The following PKHD1 variants were observed in gnomAD, a reference collection of about 807,000 sequenced individuals.
PKHD1 encodes PKHD1 ciliary IPT domain containing fibrocystin/polyductin, also known as fibrocystin.
A neutral mutation model predicts 412.0 loss-of-function variants in PKHD1; 291 were observed. The observed-to-expected ratio is 0.71, with a 90% CI of 0.64 to 0.78. The LOEUF (loss-of-function observed/expected upper bound fraction) is 0.78. Ranked by LOEUF, PKHD1 falls within the 30% of genes least tolerant of loss-of-function variation. PKHD1 has a pLI of 0.00. For missense variants in PKHD1, 4,825 were observed against 4,950.7 expected, an observed-to-expected ratio of 0.97 and a Z score of 0.76; for synonymous variants, 1,777 against 1,821.5, an observed-to-expected ratio of 0.98 and a Z score of 0.62.
chr6:52,053,380 G>T, intron 20 of PKHD1, 129 bp from the exon 21 acceptor site: 1 of 893,188 alleles, frequency 1.1e-6, no homozygotes, highest in Non-Finnish European at 1.8e-6. Flanking sequence ...ATGAACCCCT[G>T]CACCCAAGCA....
intron 36 of PKHD1, among the ~76,000 whole-genome samples, chr6:51,938,770 G>A (rs925442415): frequency 1.8e-4 from 28 of 151,590 alleles, no homozygotes; most frequent in African/African-American, 6.8e-4. Flanking sequence ...CCGTGAGAAA[G>A]ATCCACCTAT....
At chr6:51,660,474 G>A (rs1438385600) in intron 60 of PKHD1, among the ~76,000 whole-genome samples, 20 of 152,032 alleles carry the variant, frequency 1.3e-4, no homozygotes, top group Admixed American at 1.3e-3. Context: ...GACTCCACAA[G>A]GTAAGGGCTC....
intron 37 of PKHD1, among the ~76,000 whole-genome samples, chr6:51,933,227 A>G (rs929974351): frequency 1.4e-4 from 22 of 152,022 alleles, no homozygotes; most frequent in African/African-American, 2.4e-5. Context: ...CTCAAGAGGG[A>G]AAAAAAATGT....
intron 60 of PKHD1, among the ~76,000 whole-genome samples, chr6:51,731,771 C>T (rs1018207927): frequency 6.6e-6 from 1 of 152,106 alleles, no homozygotes; most frequent in African/African-American, 2.4e-5. Flanking sequence ...ATGATGAATG[C>T]AGCTACATGT....
chr6:51,981,604 C>A (rs996557760), intron 35 of PKHD1, among the ~76,000 whole-genome samples: 1 of 111,678 alleles, frequency 9.0e-6, no homozygotes, highest in African/African-American at 2.5e-5. Flanking sequence ...CGGACGGAGT[C>A]TCGTTCACTC....
intron 14 of PKHD1, among the ~76,000 whole-genome samples, chr6:52,061,776 T>C (rs1382811387): frequency 6.6e-6 from 1 of 152,106 alleles, no homozygotes; most frequent in East Asian, 1.9e-4. Context: ...AGTCATCCTC[T>C]CTAAGAAGGA....
At chr6:51,756,020 A>G (rs1187993936) in intron 55 of PKHD1, among the ~76,000 whole-genome samples, 1 of 152,198 alleles carries the variant, frequency 6.6e-6, no homozygotes, top group Non-Finnish European at 1.5e-5. Context: ...TTTAATATAT[A>G]GTATTAAGCC....
chr6:51,937,010 C>A (rs1257349342), intron 36 of PKHD1, among the ~76,000 whole-genome samples: 2 of 152,186 alleles, frequency 1.3e-5, no homozygotes, highest in African/African-American at 4.8e-5. Flanking sequence ...GAGTCTGGAA[C>A]CTTTTTAGAT....
chr6:51,934,852 G>C (rs184733964), intron 36 of PKHD1, among the ~76,000 whole-genome samples: 30 of 152,278 alleles, frequency 2.0e-4, no homozygotes, highest in Admixed American at 1.5e-3. Context: ...CCATTGACTA[G>C]AGCTGAGTGG....
chr6:51,735,212 G>A (rs991056833), intron 60 of PKHD1, among the ~76,000 whole-genome samples: 1 of 152,156 alleles, frequency 6.6e-6, no homozygotes, highest in Admixed American at 6.5e-5. Flanking sequence ...TCCAGAAGTG[G>A]TTATGAACTC....
intron 60 of PKHD1, among the ~76,000 whole-genome samples, chr6:51,710,585 T>C (rs1453513191): frequency 7.2e-5 from 11 of 152,196 alleles, no homozygotes; most frequent in Non-Finnish European, 1.3e-4. Context: ...CTTCTCTAAA[T>C]AGTGTTTTGC....
intron 35 of PKHD1, among the ~76,000 whole-genome samples, chr6:52,008,272 C>T (rs1799346270): frequency 6.6e-6 from 1 of 152,176 alleles, no homozygotes; most frequent in Non-Finnish European, 1.5e-5. Context: ...TCTCAGTTAA[C>T]TCATCTCTGA....
intron 60 of PKHD1, among the ~76,000 whole-genome samples, chr6:51,662,502 T>A (rs557804878): frequency 6.6e-6 from 1 of 151,650 alleles, no homozygotes; most frequent in South Asian, 2.1e-4. Context: ...TGGAAAAAAA[T>A]AACAGAACTG....
intron 36 of PKHD1, among the ~76,000 whole-genome samples, chr6:51,941,836 C>T (rs2499465): frequency 0.32 from 48,191 of 149,708 alleles, 8,545 homozygotes; most frequent in African/African-American, 0.42. Flanking sequence ...ACCCTGACAC[C>T]CATCAGGCTC....
At position 52,024,617 on chromosome 6, in the gene PKHD1, C is replaced by T. The variant is rs146531432; in HGVS notation, c.5193G>A (p.Val1731=). The T allele has an allele frequency of 2.0e-4, 315 of 1,614,046 alleles. No individual in the cohort carries two copies. The highest frequency in any genetic ancestry group is 2.5e-4 in the Non-Finnish European group (296 of 1,180,020). ...CIRGWASSAL[V]FTSRVIITAV... is the part of the protein sequence containing the mutation. ...CTGTAATAATAACTCTTGAGGTGAA[C>T]ACCAGGGCAGATGAGGCCCACCCTC... Residue 1731 remains valine (V), a synonymous_variant, in exon 32 of 67, where the codon GTG becomes GTA. Coordinates refer to ENST00000371117, the MANE Select transcript of PKHD1 (RefSeq NM_138694.4).
At chr6:51,918,894 C>T (rs529555994) in intron 37 of PKHD1, among the ~76,000 whole-genome samples, 10 of 152,134 alleles carry the variant, frequency 6.6e-5, no homozygotes, top group African/African-American at 2.2e-4. Flanking sequence ...TAATGATGAG[C>T]TTTTATTCAT....
chr6:51,982,170 C>A (rs1330729160), intron 35 of PKHD1, among the ~76,000 whole-genome samples: 35 of 42,436 alleles, frequency 8.2e-4, no homozygotes, highest in Admixed American at 1.3e-3. Context: ...GCAGCCACCC[C>A]GTCCGGGAGG....
chr6:51,994,553 G>GT (rs1797488519), intron 35 of PKHD1, among the ~76,000 whole-genome samples: 1 of 152,162 alleles, frequency 6.6e-6, no homozygotes, highest in South Asian at 2.1e-4. Flanking sequence ...CTTTGGTTTT[G>GT]TTTTTTTGGG....
intron 53 of PKHD1, among the ~76,000 whole-genome samples, chr6:51,783,593 A>G (rs1367491585): frequency 6.6e-6 from 1 of 151,986 alleles, no homozygotes; most frequent in Non-Finnish European, 1.5e-5. Context: ...AACAAGGAAC[A>G]TATTTGTTAA....
Sources: allele counts gnomAD v4.1 joint callset (sites outside exome capture counted in the v4.1 genomes callset), GRCh38; gene constraint gnomAD v4.1.1; transcripts MANE v1.5; gene names NCBI Gene and HGNC (gene_info 2026-07-23, HGNC 2026-07-21).